AVEN: variants seen among roughly 807,000 people sequenced by gnomAD.
AVEN encodes the protein cell death regulator Aven.
AVEN carries 41 observed loss-of-function variants against 38.1 expected under a neutral mutation model. That is an observed-to-expected ratio of 1.08 (90% CI 0.84 to 1.40). The LOEUF (loss-of-function observed/expected upper bound fraction) is 1.40. Among genes scored for constraint, AVEN ranks in the 40% most tolerant of loss-of-function variants. The pLI, the probability that AVEN is intolerant of heterozygous loss-of-function variation, is 0.00. For synonymous variants in AVEN, 206 were observed against 171.8 expected, an observed-to-expected ratio of 1.20 and a Z score of -1.56; for missense variants, 605 against 438.8, an observed-to-expected ratio of 1.38 and a Z score of -3.38.
At chr15:34,037,004 G>A (rs1017280580) in intron 1 of AVEN, among the ~76,000 whole-genome samples, 4 of 152,022 alleles carry the variant, frequency 2.6e-5, no homozygotes, top group Admixed American at 6.6e-5. Context: ...AGCTACTTGG[G>A]AGGCTGAGGC....
chr15:34,062,554 C>CA (rs10632153), intron 5 of AVEN: 50,683 of 406,034 alleles, frequency 0.12, 1,695 homozygotes, highest in African/African-American at 0.3. Flanking sequence ...GATTCTGTCT[C>CA]AAAAAAAAAA....
chr15:34,062,849 C>T (rs1186992330), intron 5 of AVEN: 4 of 1,614,232 alleles, frequency 2.5e-6, no homozygotes, highest in Non-Finnish European at 1.7e-6. Flanking sequence ...GCCTGATCAC[C>T]ATTGTGGGCA....
intron 1 of AVEN, among the ~76,000 whole-genome samples, chr15:34,025,382 G>A (rs1044163247): frequency 2.8e-4 from 42 of 152,150 alleles, no homozygotes; most frequent in Non-Finnish European, 1.8e-4. Flanking sequence ...AATAAAAAAT[G>A]AGCAGGAAGC....
intron 5 of AVEN, among the ~76,000 whole-genome samples, chr15:34,057,318 A>AT: frequency 1.1e-5 from 1 of 89,648 alleles, no homozygotes; most frequent in East Asian, 3.0e-4. Flanking sequence ...TTTTTTTTGT[A>AT]TTTTTAGTAG....
At chr15:33,896,262 ATCAG>A (rs1332630778) in intron 2 of AVEN, among the ~76,000 whole-genome samples, 1 of 152,196 alleles carries the variant, frequency 6.6e-6, no homozygotes, top group Non-Finnish European at 1.5e-5. Context: ...GAGGAGAATG[ATCAG>A]TCAATCAAAA....
chr15:33,878,101 A>C (rs558243069), intron 2 of AVEN, among the ~76,000 whole-genome samples: 1 of 152,274 alleles, frequency 6.6e-6, no homozygotes, highest in South Asian at 2.1e-4. Flanking sequence ...AAGACAAAAA[A>C]CTCAACAGTT....
chr15:33,858,967 TC>T (rs980240107), exon 12 of AVEN: 2 of 152,718 alleles, frequency 1.3e-5, no homozygotes, highest in African/African-American at 4.8e-5. Context: ...CAGCGTGTCT[TC>T]AGGCTGCCCC....
Position 34,073,986 on chromosome 15 carries a change from C to CTTTTTTTTTTTTT in AVEN, n.720+449_720+450insAAAAAAAAAAAAA, listed in dbSNP as rs1381411256. Among the ~76,000 whole-genome samples, 77 of 112,188 alleles carry CTTTTTTTTTTTTT rather than the reference C, an allele frequency of 6.9e-4. 24 individuals carry two copies. Among genetic ancestry groups the CTTTTTTTTTTTTT allele is most frequent in the African/African-American group, 2.3e-3 (57 of 24,270 alleles). The allele number at this position is 112,188 out of a possible 152,430, so 73.6% of individuals were successfully genotyped here. A position where few individuals can be genotyped will look rare whatever the true frequency, so the allele number is the denominator to read the frequency against. ...TGGAGGAACTTTCTTTTTTCTTCTT[C>CTTTTTTTTTTTTT]TTCTTTTTTTTTTTTTTTTTTTTTT... On this transcript the variant is annotated intron_variant and non_coding_transcript_variant, in intron 1 of 11. Coordinates refer to the AVEN transcript ENST00000675287.
chr15:33,852,810 G>A, the AVEN span: 1 of 427,654 alleles, frequency 2.3e-6, no homozygotes, highest in Non-Finnish European at 4.3e-6. Flanking sequence ...TTCTGAGGCA[G>A]AAACTGCCCA....
At chr15:33,871,067 G>C in intron 3 of AVEN, 37 bp from the exon 4 acceptor site, 1 of 1,243,944 alleles carries the variant, frequency 8.0e-7, no homozygotes, top group Non-Finnish European at 1.1e-6. Flanking sequence ...AATATCAGGT[G>C]ATGATTATGA....
chr15:34,059,792 G>A (rs1481854355), intron 5 of AVEN, among the ~76,000 whole-genome samples: 1 of 152,194 alleles, frequency 6.6e-6, no homozygotes, highest in Non-Finnish European at 1.5e-5. Context: ...TGCTTCCCAT[G>A]TCCACTCAAC....
At chr15:33,876,150 CCAAAATTA>C (rs1160129068) in intron 2 of AVEN, among the ~76,000 whole-genome samples, 155 bp from the exon 3 acceptor site, 1 of 152,076 alleles carries the variant, frequency 6.6e-6, no homozygotes, top group Non-Finnish European at 1.5e-5. Flanking sequence ...AACTCCATTT[CCAAAATTA>C]CAAAACACAC....
intron 3 of AVEN, among the ~76,000 whole-genome samples, chr15:33,871,292 C>T (rs767593547): frequency 3.2e-4 from 49 of 152,242 alleles, no homozygotes; most frequent in African/African-American, 1.0e-3. Flanking sequence ...CCAGGCTGGG[C>T]GCAGTGGCTC....
intron 2 of AVEN, among the ~76,000 whole-genome samples, chr15:33,900,086 G>A (rs937105591): frequency 2.0e-5 from 3 of 152,080 alleles, no homozygotes; most frequent in African/African-American, 7.2e-5. Flanking sequence ...GTCTACATCT[G>A]TATTTATGAA....
chr15:33,852,779 A>ATTCT, the AVEN span: 2 of 379,098 alleles, frequency 5.3e-6, no homozygotes, highest in African/African-American at 4.3e-5. Flanking sequence ...TGTCATCACA[A>ATTCT]TTCTTGGCTC....
intron 1 of AVEN, among the ~76,000 whole-genome samples, chr15:34,008,133 T>G (rs746365406): frequency 1.4e-4 from 21 of 151,976 alleles, no homozygotes; most frequent in Non-Finnish European, 2.5e-4. Flanking sequence ...TCGAAAATAA[T>G]GGGTGGGCCT....
At chr15:33,858,037 C>G (rs1357646923), downstream of AVEN, 1 of 1,258,248 alleles carries the variant, frequency 7.9e-7, no homozygotes, top group Non-Finnish European at 1.1e-6. Context: ...TTACAGAGCA[C>G]AGCAGAGATT....
chr15:33,859,883 G>C (rs2080142931), intron 11 of AVEN, among the ~76,000 whole-genome samples: 1 of 152,064 alleles, frequency 6.6e-6, no homozygotes, highest in African/African-American at 2.4e-5. Flanking sequence ...CTATACCTGA[G>C]GCTTTGGCTA....
intron 2 of AVEN, among the ~76,000 whole-genome samples, chr15:34,001,638 T>A (rs1170665465): frequency 3.3e-5 from 5 of 152,216 alleles, no homozygotes; most frequent in Admixed American, 2.0e-4. Context: ...GTGTTACCAG[T>A]TCTTGAACAG....
Sources: allele counts gnomAD v4.1 joint callset (sites outside exome capture counted in the v4.1 genomes callset), GRCh38; gene constraint gnomAD v4.1.1; transcripts MANE v1.5; gene names NCBI Gene and HGNC (gene_info 2026-07-23, HGNC 2026-07-21).